Variants in IL21R observed in about 807,000 individuals in gnomAD.
The protein encoded by IL21R is interleukin 21 receptor, also known as interleukin-21 receptor.
A neutral mutation model predicts 41.3 loss-of-function variants in IL21R; 14 were observed. That is an observed-to-expected ratio of 0.34 (90% CI 0.22 to 0.53). The LOEUF is 0.53. IL21R is among the 20% of genes least tolerant of loss of function. IL21R has a pLI of 0.94. For synonymous variants in IL21R, 286 were observed against 287.6 expected, an observed-to-expected ratio of 0.99 and a Z score of 0.05; for missense variants, 588 against 681.6, an observed-to-expected ratio of 0.86 and a Z score of 1.53.
intron 1 of IL21R, among the ~76,000 whole-genome samples, chr16:27,405,232 C>T (rs1217700716): frequency 6.6e-6 from 1 of 151,964 alleles, no homozygotes; most frequent in Non-Finnish European, 1.5e-5. Flanking sequence ...GGGGTTTCAC[C>T]ATGTTGGCCA....
chr16:27,429,981 A>C, intron 1 of IL21R, 75 bp from the exon 2 acceptor site: 1 of 1,287,490 alleles, frequency 7.8e-7, no homozygotes, highest in African/African-American at 1.5e-5. Flanking sequence ...TCTGCCTGGG[A>C]AGAGACAGGA....
intron 4 of IL21R, among the ~76,000 whole-genome samples, chr16:27,440,246 T>TAGAGAGAGAG (rs1163938129): frequency 9.9e-4 from 78 of 78,614 alleles, no homozygotes; most frequent in Non-Finnish European, 1.1e-3. Context: ...TATATATATA[T>TAGAGAGAGAG]ATAGAGAGAG....
chr16:27,420,128 G>A (rs2086976080), intron 1 of IL21R, among the ~76,000 whole-genome samples: 1 of 152,062 alleles, frequency 6.6e-6, no homozygotes, highest in Admixed American at 6.6e-5. Context: ...GACCTCAAAT[G>A]ATCTGCCTGC....
At position 27,403,528 on chromosome 16, in the gene IL21R, C is replaced by T. The variant is rs1251973551; in HGVS notation, c.-17+910C>T. ...TGCCAGGTCAAAACCCGGCCACGCG[C>T]CTTCCTCACTCGGTGAACTTGGGCA... On this transcript the variant is annotated intron_variant, in intron 1 of 8. Coordinates refer to ENST00000337929, the MANE Select transcript of IL21R (RefSeq NM_181078.3). Among the ~76,000 whole-genome samples, 2 of 152,156 alleles carry T rather than the reference C, an allele frequency of 1.3e-5. 1 individual carries two copies. The highest frequency in any genetic ancestry group is 4.1e-4 in the South Asian group (2 of 4,828).
chr16:27,439,104 C>T (rs898700955), intron 4 of IL21R, among the ~76,000 whole-genome samples: 1 of 152,260 alleles, frequency 6.6e-6, no homozygotes, highest in South Asian at 2.1e-4. Context: ...GATTCACACT[C>T]TGGGGGTCCA....
chr16:27,441,533 G>A (rs1288685841), intron 4 of IL21R, among the ~76,000 whole-genome samples: 1 of 152,240 alleles, frequency 6.6e-6, no homozygotes, highest in Admixed American at 6.5e-5. Context: ...GAGCAGGGCA[G>A]CCAGGCAGGC....
chr16:27,412,790 G>A (rs1213431728), intron 1 of IL21R, among the ~76,000 whole-genome samples: 1 of 152,030 alleles, frequency 6.6e-6, no homozygotes, highest in East Asian at 1.9e-4. Context: ...CATTGTTAAT[G>A]TAAAAAATGC....
intron 7 of IL21R, 57 bp from the exon 8 acceptor site, chr16:27,445,950 G>A: frequency 7.1e-7 from 1 of 1,400,298 alleles, no homozygotes; most frequent in East Asian, 2.4e-5. Context: ...CGTCCGAATG[G>A]GAGGCCAGGC....
intron 5 of IL21R, among the ~76,000 whole-genome samples, 191 bp downstream of exon 5, chr16:27,443,307 A>G (rs1386888635): frequency 6.6e-6 from 1 of 152,156 alleles, no homozygotes; most frequent in East Asian, 1.9e-4. Flanking sequence ...AGACCCCTGA[A>G]TAATCTGTCC....
intron 1 of IL21R, among the ~76,000 whole-genome samples, chr16:27,404,980 G>T (rs2086717578): frequency 6.6e-6 from 1 of 152,090 alleles, no homozygotes; most frequent in Non-Finnish European, 1.5e-5. Flanking sequence ...AGGCAAAAGA[G>T]CTGGGCACAG....
Position 27,446,053 on chromosome 16 carries a change from A to C in IL21R, c.832A>C (p.Met278Leu), listed in dbSNP as rs775439899. ...CGTCCCCAGCCCTGAGCGGTTCTTC[A>C]TGCCCCTGTACAAGGGCTGCAGCGG... The part of the protein sequence containing the change: ...WAVPSPERFF[M>L]PLYKGCSGDF... The change falls in exon 8 of 9, where the codon ATG (methionine) becomes CTG (leucine). Residue 278 changes from methionine to leucine, a missense_variant. Physicochemically the swap from Met to Leu is conservative, Grantham distance 15. Coordinates refer to ENST00000337929, the MANE Select transcript of IL21R (RefSeq NM_181078.3). 1.9e-6 allele frequency: 3 copies of C among 1,613,664 alleles called. No homozygotes were observed. The highest frequency in any genetic ancestry group is 1.6e-4 in the Middle Eastern group (1 of 6,076).
At chr16:27,416,964 T>C (rs1438489987) in intron 1 of IL21R, among the ~76,000 whole-genome samples, 1 of 152,224 alleles carries the variant, frequency 6.6e-6, no homozygotes, top group East Asian at 1.9e-4. Context: ...CATTCCCTTA[T>C]ATGGCTAAAT....
At chr16:27,423,584 G>A (rs371607805) in intron 1 of IL21R, among the ~76,000 whole-genome samples, 1 of 152,200 alleles carries the variant, frequency 6.6e-6, no homozygotes, top group Admixed American at 6.5e-5. Flanking sequence ...GGATGATTTT[G>A]TATGGTTTTC....
At chr16:27,424,723 G>A (rs750772883) in intron 1 of IL21R, among the ~76,000 whole-genome samples, 13 of 152,208 alleles carry the variant, frequency 8.5e-5, no homozygotes, top group Non-Finnish European at 1.3e-4. Context: ...GTAGGAGACT[G>A]CAGAGGTTGG....
At chr16:27,415,501 C>T (rs1226390291) in intron 1 of IL21R, among the ~76,000 whole-genome samples, 5 of 152,168 alleles carry the variant, frequency 3.3e-5, no homozygotes, top group Non-Finnish European at 2.9e-5. Context: ...AGGCATTTTG[C>T]TTGTTGACTT....
At position 27,451,981 on chromosome 16, in the gene IL21R, T is replaced by C. The variant is rs940254690; in HGVS notation, c.*2698T>C. 5.3e-5 allele frequency: 12 copies of C among 228,172 alleles called. No individual in the cohort carries two copies. The highest frequency in any genetic ancestry group is 1.3e-3 in the Middle Eastern group (1 of 770). The allele number at this position is 228,172 out of a possible 1,614,324, so 14.1% of individuals were successfully genotyped here. A position where few individuals can be genotyped will look rare whatever the true frequency, so the allele number is the denominator to read the frequency against. On this transcript the variant is annotated 3_prime_UTR_variant, in exon 9 of 9. Transcript: ENST00000337929. ...ATACCAGGCCAGCAACTCTATTTTG[T>C]TCACTGCCTTTAGTCCCAGCCTGGC...
chr16:27,442,945 TGG>T lies in IL21R; in HGVS notation c.353-15_353-14del. ...AAATTCTCACCCCATTTTCTTTTCC[TGG>T]GTTTTTCCACCAAGTCAAGCCGGCT... is the stretch of plus-strand genomic sequence containing the variant. On this transcript the variant is annotated splice_polypyrimidine_tract_variant and intron_variant, in intron 4 of 8. Coordinates refer to ENST00000337929, the MANE Select transcript of IL21R (RefSeq NM_181078.3). 1 of 1,566,624 alleles carries T rather than the reference TGG, an allele frequency of 6.4e-7. No individual in the cohort carries two copies. Among genetic ancestry groups the T allele is most frequent in the Non-Finnish European group, 8.7e-7 (1 of 1,154,678 alleles).
intron 4 of IL21R, among the ~76,000 whole-genome samples, chr16:27,442,200 G>A (rs548647355): frequency 5.3e-5 from 8 of 152,100 alleles, no homozygotes; most frequent in African/African-American, 9.6e-5. Context: ...GTAGGCATGC[G>A]TTTGGGTGTG....
intron 2 of IL21R, among the ~76,000 whole-genome samples, chr16:27,430,378 G>A (rs901642721): frequency 6.6e-6 from 1 of 152,252 alleles, no homozygotes; most frequent in Non-Finnish European, 1.5e-5. Flanking sequence ...GTGTCTTCGG[G>A]TGTCACTGGG....
Sources: allele counts gnomAD v4.1 joint callset (sites outside exome capture counted in the v4.1 genomes callset), GRCh38; gene constraint gnomAD v4.1.1; transcripts MANE v1.5; gene names NCBI Gene and HGNC (gene_info 2026-07-23, HGNC 2026-07-21).